Variants in KMT2C observed in about 807,000 individuals in gnomAD.
KMT2C encodes the protein histone-lysine N-methyltransferase 2C.
Under a neutral mutation model 507.9 loss-of-function variants are expected in KMT2C, and 88 were observed. The ratio of observed to expected loss-of-function variants is 0.17; its 90% CI spans 0.15 to 0.21. The LOEUF (loss-of-function observed/expected upper bound fraction) is 0.21. KMT2C is among the 10% of genes least tolerant of loss of function. The pLI is 1.00. For missense variants in KMT2C, 4,954 were observed against 5,957.8 expected (o/e 0.83, Z 5.55); for synonymous variants, 2,049 against 2,080.8 (o/e 0.98, Z 0.42).
chr7:152,352,862 A>G (rs1343643669), intron 2 of KMT2C, among the ~76,000 whole-genome samples: 1 of 152,198 alleles, frequency 6.6e-6, no homozygotes, highest in African/African-American at 2.4e-5. Flanking sequence ...GATGTTATTT[A>G]AAAGGACTCA....
At chr7:152,244,332 G>C (rs1255951910) in intron 14 of KMT2C, among the ~76,000 whole-genome samples, 1 of 152,084 alleles carries the variant, frequency 6.6e-6, no homozygotes, top group Non-Finnish European at 1.5e-5. Flanking sequence ...ATGTGGCAGT[G>C]TCAATAATCA....
intron 2 of KMT2C, among the ~76,000 whole-genome samples, chr7:152,343,994 TA>T (rs34400785): frequency 0.11 from 16,618 of 151,696 alleles, 2,186 homozygotes; most frequent in African/African-American, 0.32. Context: ...GATAAAATTT[TA>T]AAAAAAAACT....
chr7:152,408,727 G>A (rs371338565), intron 1 of KMT2C, among the ~76,000 whole-genome samples: 1 of 151,638 alleles, frequency 6.6e-6, no homozygotes, highest in Non-Finnish European at 1.5e-5. Context: ...GCTCCCCCTG[G>A]GGTCTGTGGA....
chr7:152,255,789 G>A (rs1185784181), intron 9 of KMT2C, among the ~76,000 whole-genome samples: 1 of 152,156 alleles, frequency 6.6e-6, no homozygotes, highest in Non-Finnish European at 1.5e-5. Context: ...ATGGTTTTTA[G>A]AAAACTGAAT....
At chr7:152,183,230 A>T (rs2093491957) in intron 34 of KMT2C, 74 bp from the exon 35 acceptor site, 2 of 1,199,972 alleles carry the variant, frequency 1.7e-6, no homozygotes, top group Admixed American at 2.6e-5. Context: ...AACTATCATG[A>T]ACTTTCTCAA....
intron 23 of KMT2C, among the ~76,000 whole-genome samples, chr7:152,214,483 C>T (rs1209122989): frequency 1.3e-5 from 2 of 152,102 alleles, no homozygotes; most frequent in African/African-American, 4.8e-5. Context: ...TCAAGTAACA[C>T]TGTTTCCTTC....
intron 20 of KMT2C, 24 bp from the exon 21 acceptor site, chr7:152,222,706 T>G: frequency 1.4e-6 from 2 of 1,408,580 alleles, no homozygotes; most frequent in South Asian, 1.2e-5. Context: ...ATTTGTACAT[T>G]TTTTTTAAAA....
rs768479268 is a variant in KMT2C, at chr7:152,422,172, C to G, written c.161+13454G>C. Among the ~76,000 whole-genome samples, 4 of 151,748 alleles carry G rather than the reference C, an allele frequency of 2.6e-5. No individual in the cohort carries two copies. In the East Asian group the frequency reaches 7.7e-4, roughly 29 times the overall value. ...CAAAAACTGGAGGCTTAGGGCTGGG[C>G]GCAGTGGCTCACACCTGTAATCCCA... is the stretch of plus-strand genomic sequence containing the variant. On this transcript the variant is annotated intron_variant, in intron 1 of 58. Coordinates refer to ENST00000262189, the MANE Select transcript of KMT2C (RefSeq NM_170606.3).
In KMT2C at chr7:152,148,836, A is replaced by C; in HGVS notation, c.13091T>G (p.Ile4364Ser). 1.9e-6 allele frequency: 3 copies of C among 1,614,238 alleles called. No individual in the cohort carries two copies. The highest frequency in any genetic ancestry group is 1.7e-6 in the Non-Finnish European group (2 of 1,180,032). ...TTTAAATGTCCCCTTAGGGATTACAATATGAATGCTCCACTTCTTCCATTT... is the reference window on the plus strand; with the variant it reads ...TTTAAATGTCCCCTTAGGGATTACACTATGAATGCTCCACTTCTTCCATTT... ...GMKWKKWSIH[I>S]VIPKGTFKPP... Residue 4364 changes from isoleucine (I) to serine (S), a missense_variant, in exon 52 of 59, where the codon ATT (isoleucine) becomes AGT (serine). Ile to Ser is a moderately radical substitution (Grantham distance 142). Around this residue, in one of 29 missense-constraint regions of KMT2C, gnomAD observed 417 missense variants for 461.1 expected, o/e 0.90. Coordinates refer to ENST00000262189, the MANE Select transcript of KMT2C (RefSeq NM_170606.3). This position sits in a 1 kb window ranked among gnomAD's most constrained non-coding sequence, Gnocchi z 7.1.
intron 6 of KMT2C, among the ~76,000 whole-genome samples, chr7:152,307,754 G>C (rs1478778859): frequency 6.6e-6 from 1 of 152,166 alleles, no homozygotes; most frequent in Non-Finnish European, 1.5e-5. Context: ...AGTGAGGCAA[G>C]TTTTCTTTTA....
In KMT2C at chr7:152,210,165, C is replaced by T. The variant is rs10264143; in HGVS notation, c.3713-2737G>A. On this transcript the variant is annotated intron_variant, in intron 23 of 58. Transcript: ENST00000262189. Reference sequence around the variant, plus strand: ...ATTCTCAGAAAGCTAGCAGCCAGATCTCTAGCCTCCAAGTATGAGGTTTGA... The same window carrying T: ...ATTCTCAGAAAGCTAGCAGCCAGATTTCTAGCCTCCAAGTATGAGGTTTGA... 2.8e-3 allele frequency among the ~76,000 whole-genome samples: 423 copies of T among 152,266 alleles called. 3 individuals carry two copies. Among genetic ancestry groups the T allele is most frequent in the African/African-American group, 1.0e-2 (415 of 41,552 alleles).
chr7:152,201,819 A>C (rs1033232478), intron 26 of KMT2C, among the ~76,000 whole-genome samples: 5 of 152,170 alleles, frequency 3.3e-5, no homozygotes, highest in African/African-American at 1.2e-4. Flanking sequence ...TGAACTTCTG[A>C]GCATTTCTGA....
At chr7:152,226,396 C>A (rs908964219) in intron 18 of KMT2C, among the ~76,000 whole-genome samples, 5 of 151,812 alleles carry the variant, frequency 3.3e-5, no homozygotes, top group Admixed American at 2.0e-4. Context: ...CCACACCCAG[C>A]TAATTTTTGT....
chr7:152,151,348 T>C lies in KMT2C; in HGVS notation c.12666+94A>G, dbSNP rs116563215. ...GGAACATGTGTCCATCACACCACCA[T>C]AAGTGGTGTCTCTCTCTGATGTTGG... On this transcript the variant is annotated intron_variant, in intron 50 of 58. Coordinates refer to ENST00000262189, the MANE Select transcript of KMT2C (RefSeq NM_170606.3). 7.7e-4 allele frequency: 987 copies of C among 1,284,230 alleles called. 9 individuals carry two copies. The African/African-American group carries it at 0.013, about 16-fold the overall frequency. The allele number at this position is 1,284,230 out of a possible 1,614,324, so 79.6% of individuals were successfully genotyped here.
Position 152,180,697 on chromosome 7 carries a change from T to A in KMT2C, c.7149+14A>T, listed in dbSNP as rs948916610. The stretch of plus-strand genomic sequence containing the variant: ...AATAATACATTTAAAACTGAGAACA[T>A]ACAATGTGTTTACCTGTCTCAATTT... On this transcript the variant is annotated intron_variant, in intron 36 of 58. Coordinates refer to ENST00000262189, the MANE Select transcript of KMT2C (RefSeq NM_170606.3). 1 of 1,570,068 alleles carries A rather than the reference T, an allele frequency of 6.4e-7. No homozygotes were observed. Among genetic ancestry groups the A allele is most frequent in the Non-Finnish European group, 8.7e-7 (1 of 1,148,820 alleles).
At chr7:152,178,527 C>T (rs896403957) in intron 37 of KMT2C, among the ~76,000 whole-genome samples, 5 of 152,114 alleles carry the variant, frequency 3.3e-5, no homozygotes, top group Non-Finnish European at 7.4e-5. Context: ...AAGTAGGCCT[C>T]ATCTATAAAG....
intron 6 of KMT2C, among the ~76,000 whole-genome samples, chr7:152,296,305 G>A (rs1429199053): frequency 6.6e-6 from 1 of 151,352 alleles, no homozygotes; most frequent in African/African-American, 2.4e-5. Context: ...GTGGTGGTGG[G>A]TGCCTATAAT....
intron 2 of KMT2C, among the ~76,000 whole-genome samples, chr7:152,331,237 G>A (rs1563890077): frequency 6.6e-6 from 1 of 151,950 alleles, no homozygotes; most frequent in South Asian, 2.1e-4. Flanking sequence ...TTGAACCTGG[G>A]AGCCAGAGGC....
intron 1 of KMT2C, among the ~76,000 whole-genome samples, chr7:152,408,533 T>C (rs1050124584): frequency 1.3e-5 from 2 of 152,218 alleles, no homozygotes; most frequent in African/African-American, 2.4e-5. Context: ...CAAGCCAGCA[T>C]TAACCTGAGC....
Sources: allele counts gnomAD v4.1 joint callset (sites outside exome capture counted in the v4.1 genomes callset), GRCh38; gene constraint gnomAD v4.1.1; regional missense constraint gnomAD v4.1.1; non-coding constraint Gnocchi (gnomAD v3.1); transcripts MANE v1.5; gene names NCBI Gene and HGNC (gene_info 2026-07-23, HGNC 2026-07-21).